HAVCR1: variants seen among roughly 807,000 people sequenced by gnomAD.
The protein encoded by HAVCR1 is T cell immunoglobin domain and mucin domain protein 1.
A neutral mutation model predicts 32.0 loss-of-function variants in HAVCR1; 34 were observed. The observed-to-expected ratio is 1.06, with a 90% CI of 0.81 to 1.42. HAVCR1 has a LOEUF of 1.42. Among genes scored for constraint, HAVCR1 ranks in the 40% most tolerant of loss-of-function variants. HAVCR1 has a pLI of 0.00. For synonymous variants in HAVCR1, 178 were observed against 170.3 expected (o/e 1.05, Z -0.35); for missense variants, 420 against 442.3 (o/e 0.95, Z 0.45).
At chr5:157,044,162 T>C (rs992284570) in intron 5 of HAVCR1, among the ~76,000 whole-genome samples, 1 of 151,686 alleles carries the variant, frequency 6.6e-6, no homozygotes, top group African/African-American at 2.4e-5. Flanking sequence ...TGAAACCCCA[T>C]CTCTACTAAA....
intron 7 of HAVCR1, among the ~76,000 whole-genome samples, chr5:157,034,627 C>A (rs898308129): frequency 6.6e-6 from 1 of 151,988 alleles, no homozygotes; most frequent in Non-Finnish European, 1.5e-5. Context: ...ATATCTCGGG[C>A]TGTCTCAGTG....
At chr5:157,051,831 A>G (rs1755757195) in intron 4 of HAVCR1, among the ~76,000 whole-genome samples, 1 of 152,272 alleles carries the variant, frequency 6.6e-6, no homozygotes, top group African/African-American at 2.4e-5. Context: ...TCTAACAATT[A>G]TAAACCACAC....
intron 4 of HAVCR1, among the ~76,000 whole-genome samples, 200 bp downstream of exon 4, chr5:157,052,161 C>T (rs1328704197): frequency 1.3e-5 from 2 of 152,204 alleles, no homozygotes; most frequent in African/African-American, 4.8e-5. Context: ...AATGGGTCCC[C>T]TCACTCCAAA....
At chr5:157,062,743 T>C (rs1756514636), upstream of HAVCR1, among the ~76,000 whole-genome samples, 1 of 152,194 alleles carries the variant, frequency 6.6e-6, no homozygotes. Flanking sequence ...TCTGATTTCA[T>C]AACAAGTAAT....
chr5:157,037,337 GT>G lies in HAVCR1; in HGVS notation c.861del (p.Leu288Ter). 1 of 1,560,808 alleles carries G rather than the reference GT, an allele frequency of 6.4e-7. No homozygotes were observed. Among genetic ancestry groups the G allele is most frequent in the Non-Finnish European group, 8.8e-7 (1 of 1,131,468 alleles). On this transcript the variant is annotated frameshift_variant, in exon 7 of 9. Coordinates refer to ENST00000523175, the MANE Select transcript of HAVCR1 (RefSeq NM_001173393.3). LOFTEE classifies it high-confidence loss of function. ...NQTQLFLEHS[L>X]LTANTTKGIY... ...ATTCCTTTAGTGGTATTGGCCGTCAGTAGACTATGTTCTAGGAACAGTTGCT... is the reference window on the plus strand; with the variant it reads ...ATTCCTTTAGTGGTATTGGCCGTCAGAGACTATGTTCTAGGAACAGTTGCT...
At chr5:157,031,471 T>C (rs1196587910) in intron 8 of HAVCR1, among the ~76,000 whole-genome samples, 1 of 152,196 alleles carries the variant, frequency 6.6e-6, no homozygotes, top group African/African-American at 2.4e-5. Flanking sequence ...AGTTGTCTCC[T>C]ACCACTACAG....
rs1324853660 is a variant in HAVCR1 at position 157,044,464 on chromosome 5, AAAGAAAGGAAGGAAGGAAGGAAGGAAGG to A, written c.782-1810_782-1783del. Among the ~76,000 whole-genome samples, 432 of 77,234 alleles carry A rather than the reference AAAGAAAGGAAGGAAGGAAGGAAGGAAGG, an allele frequency of 5.6e-3. 12 individuals are homozygous for A. Among genetic ancestry groups the A allele is most frequent in the South Asian group, 9.3e-3 (19 of 2,050 alleles). 50.7% of individuals were successfully genotyped at this position (77,234 alleles called of 152,430 possible). On this transcript the variant is annotated intron_variant, in intron 5 of 8. Transcript: ENST00000523175. ...GAAAGAAAGAAAGAAAGAAAGAAAG[AAAGAAAGGAAGGAAGGAAGGAAGGAAGG>A]AAGGAAGGAAGGAAGGAGGAAGGAA...
At chr5:157,033,590 G>A (rs1241085593) in intron 7 of HAVCR1, among the ~76,000 whole-genome samples, 1 of 150,220 alleles carries the variant, frequency 6.7e-6, no homozygotes, top group Admixed American at 6.7e-5. Flanking sequence ...GGGCGGGTGG[G>A]GGTGGTGGGG....
At position 157,057,403 on chromosome 5, in the gene HAVCR1, G is replaced by T. The variant is rs1184237560; in HGVS notation, c.46+495C>A. 2.7e-4 allele frequency among the ~76,000 whole-genome samples: 17 copies of T among 63,584 alleles called. 1 individual carries two copies. Among genetic ancestry groups the T allele is most frequent in the African/African-American group, 7.8e-4 (15 of 19,336 alleles). 41.7% of individuals were successfully genotyped at this position (63,584 alleles called of 152,430 possible). ...GAGAGAGAGGAAAGAAAGAAAGAAA[G>T]AAAGAAAGAAAGAAAGAAAGAAAGA... On this transcript the variant is annotated intron_variant, in intron 2 of 8. Transcript: ENST00000523175.
chr5:157,057,896 A>G lies in HAVCR1; in HGVS notation c.46+2T>C, dbSNP rs202130787. 7.3e-5 allele frequency: 118 copies of G among 1,611,602 alleles called. 1 individual carries two copies. The South Asian group carries it at 1.1e-3, about 15-fold the overall frequency. On this transcript the variant is annotated splice_donor_variant, in intron 2 of 8. Transcript: ENST00000523175. LOFTEE classifies it high-confidence loss of function. ...TCCCGCCCAGGGCACCTACTCACTT[A>G]CCTGCCAGATGTAGGATGAGGCTTA...
intron 2 of HAVCR1, among the ~76,000 whole-genome samples, chr5:157,055,819 C>T (rs1756097273): frequency 2.6e-5 from 4 of 151,946 alleles, no homozygotes; most frequent in South Asian, 4.2e-4. Flanking sequence ...AAGCTGAGCT[C>T]GTGCCACTAC....
intron 5 of HAVCR1, among the ~76,000 whole-genome samples, chr5:157,044,283 G>T (rs942556695): frequency 1.3e-5 from 2 of 150,942 alleles, no homozygotes; most frequent in African/African-American, 2.4e-5. Context: ...AGTGAGCCAA[G>T]ATTGTGCCAC....
In HAVCR1 at chr5:157,044,971, A is replaced by ATG. The variant is rs904188105; in HGVS notation, c.782-2291_782-2290dup. On this transcript the variant is annotated intron_variant, in intron 5 of 8. Coordinates refer to ENST00000523175, the MANE Select transcript of HAVCR1 (RefSeq NM_001173393.3). ...TAAAGGGGTGTGTGTTTATGTGTGT[A>ATG]TGTGTGTGTGTGTATACAGTAGTGC... Among the ~76,000 whole-genome samples the ATG allele has an allele frequency of 3.0e-3, 457 of 151,704 alleles. 3 individuals carry two copies. The highest frequency in any genetic ancestry group is 9.8e-3 in the African/African-American group (406 of 41,408).
intron 2 of HAVCR1, among the ~76,000 whole-genome samples, chr5:157,056,901 T>C (rs1409558502): frequency 6.6e-6 from 1 of 152,184 alleles, no homozygotes; most frequent in Non-Finnish European, 1.5e-5. Context: ...AATTAAAGTG[T>C]TTATTTCAAA....
chr5:157,052,391 T>A lies in HAVCR1; in HGVS notation c.643A>T (p.Met215Leu). The A allele has an allele frequency of 6.2e-7, 1 of 1,614,124 alleles. No individual in the cohort carries two copies. The highest frequency in any genetic ancestry group is 8.5e-7 in the Non-Finnish European group (1 of 1,179,986). The part of the protein sequence containing the change: ...TTTVSTFVPP[M>L]PLPRQNHEPV... ...TCATGGTTCTGCCTGGGCAAAGGCA[T>A]TGGAGGAACAAAGGTAGAGACAGTT... The change falls in exon 4 of 9, where the codon ATG (methionine) becomes TTG (leucine). Residue 215 changes from methionine (M) to leucine (L), a missense_variant. Coordinates refer to ENST00000523175, the MANE Select transcript of HAVCR1 (RefSeq NM_001173393.3).
At chr5:157,049,253 G>A (rs1341276621) in intron 4 of HAVCR1, 108 bp from the exon 5 acceptor site, 6 of 772,312 alleles carry the variant, frequency 7.8e-6, no homozygotes, top group Admixed American at 6.0e-5. Flanking sequence ...CCTTTCCATG[G>A]GCCCTTCTCC....
intron 2 of HAVCR1, among the ~76,000 whole-genome samples, chr5:157,055,924 AT>A (rs1756105700): frequency 1.3e-5 from 2 of 151,588 alleles, no homozygotes; most frequent in South Asian, 4.2e-4. Flanking sequence ...CTTTAAAAAA[AT>A]ATTTTATTCA....
upstream of HAVCR1, chr5:157,059,148 G>A (rs1756404463): frequency 6.6e-6 from 1 of 152,196 alleles, no homozygotes; most frequent in Admixed American, 6.5e-5. Context: ...ATACTATATA[G>A]CAGGCTCTGT....
rs72157678 is a variant in HAVCR1 at position 157,044,586 on chromosome 5, G to GGAAAGAAAGAAAGAAA, written c.782-1920_782-1905dup. On this transcript the variant is annotated intron_variant, in intron 5 of 8. Coordinates refer to ENST00000523175, the MANE Select transcript of HAVCR1 (RefSeq NM_001173393.3). ...GAGAGAAAGAAAGACAAAGAAAGAA[G>GGAAAGAAAGAAAGAAA]GAAAGAAAGAAAGAAAGAAAGAAAG... Among the ~76,000 whole-genome samples the GGAAAGAAAGAAAGAAA allele has an allele frequency of 7.4e-3, 416 of 56,380 alleles. 18 individuals are homozygous for GGAAAGAAAGAAAGAAA. Among genetic ancestry groups the GGAAAGAAAGAAAGAAA allele is most frequent in the African/African-American group, 0.018 (249 of 13,932 alleles). The allele number at this position is 56,380 out of a possible 152,430, so 37.0% of individuals were successfully genotyped here.
Sources: gnomAD v4.1 joint callset for allele counts (sites outside exome capture counted in the v4.1 genomes callset) on GRCh38, gnomAD v4.1.1 for gene constraint, MANE v1.5 for transcripts, NCBI Gene and HGNC (gene_info 2026-07-23, HGNC 2026-07-21) for gene names.